Variants in DLG2 observed in about 807,000 individuals in gnomAD.
DLG2 encodes discs large MAGUK scaffold protein 2, also known as disks large homolog 2.
In DLG2, 45 loss-of-function variants were observed where a neutral mutation model predicts 132.5. The observed-to-expected ratio is 0.34, with a 90% CI of 0.27 to 0.44. DLG2 has a LOEUF of 0.44. Ranked by LOEUF, DLG2 falls within the 20% of genes least tolerant of loss-of-function variation. DLG2 has a pLI of 1.00. For synonymous variants in DLG2, 424 were observed against 419.6 expected (o/e 1.01, Z -0.13); for missense variants, 1,045 against 1,196.9 (o/e 0.87, Z 1.87).
chr11:85,431,234 T>G (rs2091162302), intron 3 of DLG2, among the ~76,000 whole-genome samples: 1 of 152,134 alleles, frequency 6.6e-6, no homozygotes, highest in Admixed American at 6.6e-5. Flanking sequence ...TCATTAGGAC[T>G]GACTAATGAC....
At chr11:84,045,670 A>G (rs1209878467) in intron 11 of DLG2, among the ~76,000 whole-genome samples, 1 of 151,610 alleles carries the variant, frequency 6.6e-6, no homozygotes, top group Non-Finnish European at 1.5e-5. Context: ...TGTATATCCA[A>G]TTCTGTGTAT....
chr11:84,617,448 T>C (rs2099606529), intron 6 of DLG2, among the ~76,000 whole-genome samples: 1 of 152,158 alleles, frequency 6.6e-6, no homozygotes, highest in Non-Finnish European at 1.5e-5. Flanking sequence ...TAAACATATG[T>C]TTGCATGTGT....
At chr11:85,143,727 G>A (rs1165363816) in intron 5 of DLG2, among the ~76,000 whole-genome samples, 5 of 151,692 alleles carry the variant, frequency 3.3e-5, no homozygotes, top group African/African-American at 1.2e-4. Context: ...CCATGTGTTT[G>A]TATAGTTTCC....
intron 21 of DLG2, among the ~76,000 whole-genome samples, chr11:83,519,738 G>A (rs1051563588): frequency 6.6e-6 from 1 of 152,212 alleles, no homozygotes; most frequent in Non-Finnish European, 1.5e-5. Context: ...GCCTATTACT[G>A]CGAAGGGCAT....
chr11:85,625,456 A>T (rs1301231415), intron 2 of DLG2, among the ~76,000 whole-genome samples: 1 of 152,206 alleles, frequency 6.6e-6, no homozygotes, highest in East Asian at 1.9e-4. Context: ...AAACAATCCC[A>T]ATCTTAAATC....
intron 21 of DLG2, among the ~76,000 whole-genome samples, chr11:83,519,013 T>C (rs2095393780): frequency 6.6e-6 from 1 of 151,920 alleles, no homozygotes; most frequent in Non-Finnish European, 1.5e-5. Context: ...CCATCAAGTG[T>C]GGGGGTCAGG....
chr11:83,938,959 T>C (rs790370), intron 14 of DLG2, among the ~76,000 whole-genome samples: 1 of 151,910 alleles, frequency 6.6e-6, no homozygotes, highest in Non-Finnish European at 1.5e-5. Flanking sequence ...TAATTTATAA[T>C]TGAGATACTT....
At chr11:85,136,567 C>G (rs1283250085) in intron 5 of DLG2, among the ~76,000 whole-genome samples, 1 of 152,092 alleles carries the variant, frequency 6.6e-6, no homozygotes, top group Non-Finnish European at 1.5e-5. Context: ...AGCCTGCAAG[C>G]TGCTTTACTT....
intron 6 of DLG2, among the ~76,000 whole-genome samples, chr11:84,991,213 A>G (rs780517575): frequency 1.5e-4 from 23 of 152,202 alleles, no homozygotes; most frequent in Non-Finnish European, 2.6e-4. Flanking sequence ...GATGAAGAAA[A>G]GAAGAAAGTG....
intron 4 of DLG2, among the ~76,000 whole-genome samples, chr11:85,173,815 T>C (rs747744222): frequency 3.3e-5 from 5 of 152,038 alleles, no homozygotes; most frequent in Non-Finnish European, 5.9e-5. Flanking sequence ...AAAAGGGGGT[T>C]GCAATCCTAG....
intron 18 of DLG2, among the ~76,000 whole-genome samples, chr11:83,782,431 G>A (rs886732202): frequency 2.6e-5 from 4 of 152,144 alleles, no homozygotes; most frequent in East Asian, 1.9e-4. Context: ...GAGCTCACTC[G>A]AGTGGAGAGG....
At chr11:85,395,292 G>C (rs1596868618) in intron 3 of DLG2, among the ~76,000 whole-genome samples, 1 of 152,144 alleles carries the variant, frequency 6.6e-6, no homozygotes, top group African/African-American at 2.4e-5. Flanking sequence ...TTGCTTCCAG[G>C]GTGGCTGAAT....
chr11:85,013,952 A>G (rs1317050446), intron 6 of DLG2, among the ~76,000 whole-genome samples: 1 of 152,204 alleles, frequency 6.6e-6, no homozygotes, highest in Non-Finnish European at 1.5e-5. Context: ...GTAAGAATAC[A>G]TAGTAAGTTT....
At chr11:84,515,502 A>G (rs553122715) in intron 7 of DLG2, among the ~76,000 whole-genome samples, 7 of 152,092 alleles carry the variant, frequency 4.6e-5, no homozygotes, top group African/African-American at 1.4e-4. Flanking sequence ...AGGTTATTAT[A>G]TAATGATAAG....
intron 21 of DLG2, among the ~76,000 whole-genome samples, chr11:83,529,849 A>G (rs2095694527): frequency 6.6e-6 from 1 of 152,132 alleles, no homozygotes; most frequent in Non-Finnish European, 1.5e-5. Flanking sequence ...GCGAAGTCCT[A>G]TAATTTACAA....
chr11:84,558,298 C>A (rs2099416040), intron 6 of DLG2, among the ~76,000 whole-genome samples: 1 of 152,096 alleles, frequency 6.6e-6, no homozygotes, highest in African/African-American at 2.4e-5. Context: ...AGCTAAGCAT[C>A]CTTAAATCTA....
chr11:85,282,257 A>G (rs1426616141), intron 4 of DLG2, among the ~76,000 whole-genome samples: 2 of 151,918 alleles, frequency 1.3e-5, no homozygotes, highest in Non-Finnish European at 2.9e-5. Flanking sequence ...TGGGTACAAA[A>G]ATACAGTTAG....
chr11:85,334,156 T>G (rs1397180245), intron 3 of DLG2, among the ~76,000 whole-genome samples: 1 of 152,202 alleles, frequency 6.6e-6, no homozygotes, highest in African/African-American at 2.4e-5. Flanking sequence ...TGGTTCAATC[T>G]TGGGACATTT....
intron 11 of DLG2, among the ~76,000 whole-genome samples, chr11:83,993,507 T>C (rs373636265): frequency 6.6e-6 from 1 of 152,176 alleles, no homozygotes; most frequent in Non-Finnish European, 1.5e-5. Context: ...ATTACATTTC[T>C]TTACTCAAAG....
Sources: gnomAD v4.1 joint callset for allele counts (sites outside exome capture counted in the v4.1 genomes callset) on GRCh38, gnomAD v4.1.1 for gene constraint, MANE v1.5 for transcripts, NCBI Gene and HGNC (gene_info 2026-07-23, HGNC 2026-07-21) for gene names.